The following TADA3 variants were observed in gnomAD, a reference collection of about 807,000 sequenced individuals.
TADA3 encodes transcriptional adaptor 3.
A neutral mutation model predicts 43.2 loss-of-function variants in TADA3; 25 were observed. The observed-to-expected ratio is 0.58, with a 90% CI of 0.42 to 0.81. The LOEUF (loss-of-function observed/expected upper bound fraction) is 0.81. Among genes scored for constraint, TADA3 ranks in the 30% least tolerant of loss-of-function variants. The pLI is 0.00. For synonymous variants in TADA3, 235 were observed against 225.5 expected, an observed-to-expected ratio of 1.04 and a Z score of -0.38; for missense variants, 441 against 567.8, an observed-to-expected ratio of 0.78 and a Z score of 2.27.
At chr3:9,788,543 C>CTT (rs879587825) in intron 4 of TADA3, among the ~76,000 whole-genome samples, 1 of 133,864 alleles carries the variant, frequency 7.5e-6, no homozygotes, top group Non-Finnish European at 1.6e-5. Flanking sequence ...CCGCACCCGG[C>CTT]TTTTTTTTTT....
intron 4 of TADA3, among the ~76,000 whole-genome samples, chr3:9,788,698 C>T (rs969635734): frequency 1.3e-5 from 2 of 151,912 alleles, no homozygotes; most frequent in Non-Finnish European, 2.9e-5. Flanking sequence ...TGCCACCGTG[C>T]CAGGCTAATT....
intron 8 of TADA3, chr3:9,781,487 CTT>C (rs1294598623): frequency 1.3e-5 from 6 of 455,518 alleles, no homozygotes; most frequent in Middle Eastern, 3.8e-4. Context: ...GGGCCAAACT[CTT>C]GTTTTTAAAC....
intron 8 of TADA3, 82 bp downstream of exon 8, chr3:9,783,946 T>C (rs2078541821): frequency 6.8e-7 from 1 of 1,474,232 alleles, no homozygotes; most frequent in Non-Finnish European, 9.0e-7. Flanking sequence ...GGAAAGCCTG[T>C]TGTAAAACCC....
rs759921916 is a variant in TADA3, at chr3:9,786,776, C to A, written c.810+230G>T. On this transcript the variant is annotated intron_variant, in intron 6 of 8. Transcript: ENST00000301964. ...TTTTGTAATCTCCAGGCTGGTAATA[C>A]AAGCTCATTTGTGAAAACTGTACAT... 3.9e-5 allele frequency among the ~76,000 whole-genome samples: 6 copies of A among 152,200 alleles called. 1 individual carries two copies. The highest frequency in any genetic ancestry group is 2.0e-4 in the Admixed American group (3 of 15,274).
Position 9,791,470 on chromosome 3 carries a change from C to CA in TADA3, c.-5_-4insT. ...GGCAGTCTTTCAACTCACTCATGGCCCAGGATATGGGGATCCTGTGGAGCT... is the reference window on the plus strand; with the variant it reads ...GGCAGTCTTTCAACTCACTCATGGCCACAGGATATGGGGATCCTGTGGAGCT... On this transcript the variant is annotated 5_prime_UTR_variant, in exon 2 of 9. Coordinates refer to ENST00000301964, the MANE Select transcript of TADA3 (RefSeq NM_006354.5). 1 of 1,605,138 alleles carries CA rather than the reference C, an allele frequency of 6.2e-7. No individual in the cohort carries two copies. Among genetic ancestry groups the CA allele is most frequent in the Non-Finnish European group, 8.5e-7 (1 of 1,173,928 alleles).
At chr3:9,792,130 T>C (rs953566421) in intron 1 of TADA3, 86 bp downstream of exon 1, 5 of 152,354 alleles carry the variant, frequency 3.3e-5, no homozygotes, top group Non-Finnish European at 7.3e-5. Context: ...AGTTTTTCCA[T>C]CTGTAAAATG....
Position 9,792,411 on chromosome 3 carries a change from G to A in TADA3, c.-223C>T. 1.0e-6 allele frequency: 1 copy of A among 972,436 alleles called. No individual in the cohort carries two copies. The highest frequency in any genetic ancestry group is 1.3e-6 in the Non-Finnish European group (1 of 793,874). 60.2% of individuals were successfully genotyped at this position (972,436 alleles called of 1,614,324 possible). A position where few individuals can be genotyped will look rare whatever the true frequency, so the allele number is the denominator to read the frequency against. ...CTACCTCCTCGCTGCGGCCTCCTACGGCCCCAGGGGCCGCGGGAGGGGGCG... is the reference window on the plus strand; with the variant it reads ...CTACCTCCTCGCTGCGGCCTCCTACAGCCCCAGGGGCCGCGGGAGGGGGCG... On this transcript the variant is annotated 5_prime_UTR_variant, in exon 1 of 9. Coordinates refer to ENST00000301964, the MANE Select transcript of TADA3 (RefSeq NM_006354.5).
At chr3:9,790,361 G>A (rs2078702072) in intron 2 of TADA3, among the ~76,000 whole-genome samples, 2 of 152,180 alleles carry the variant, frequency 1.3e-5, no homozygotes, top group South Asian at 4.1e-4. Flanking sequence ...CTTCCTCAAG[G>A]AGGGTCCATG....
chr3:9,792,576 A>C (rs1336654180), upstream of TADA3: 4 of 1,228,782 alleles, frequency 3.3e-6, no homozygotes, highest in African/African-American at 1.6e-5. Context: ...CCTCGAGCAA[A>C]GCCGCTAGAG....
chr3:9,783,777 C>CAAA, intron 8 of TADA3: 2 of 557,626 alleles, frequency 3.6e-6, no homozygotes, highest in South Asian at 3.4e-5. Flanking sequence ...GACTCCCTCT[C>CAAA]AAAAAAAAAC....
chr3:9,784,249 C>T, intron 7 of TADA3, 36 bp from the exon 8 acceptor site: 11 of 1,584,790 alleles, frequency 6.9e-6, no homozygotes, highest in Non-Finnish European at 9.5e-6. Flanking sequence ...ACTCAAGAGC[C>T]AGCTTGGAGA....
At position 9,787,065 on chromosome 3, in the gene TADA3, G is replaced by A. The variant is rs911690051; in HGVS notation, c.751C>T (p.Pro251Ser). ...GCACCAAAGGGGCATCCATCTTCCG[G>A]CTGTTCATGCTGGGCCTCAGACTTC... ...LKKSEAQHEQ[P>S]EDGCPFGALT... Residue 251 changes from proline (P) to serine (S), a missense_variant, in exon 6 of 9, where the codon CCG (proline) becomes TCG (serine). By Grantham distance (74) the Pro-to-Ser change is moderately conservative. Transcript: ENST00000301964. The A allele has an allele frequency of 3.1e-6, 5 of 1,614,102 alleles. No individual in the cohort carries two copies. Among genetic ancestry groups the A allele is most frequent in the Non-Finnish European group, 4.2e-6 (5 of 1,180,044 alleles).
At chr3:9,783,069 C>T (rs981477416) in intron 8 of TADA3, 3 of 152,148 alleles carry the variant, frequency 2.0e-5, no homozygotes, top group African/African-American at 7.2e-5. Flanking sequence ...TGGTCAATTT[C>T]TTGTGATGAG....
intron 7 of TADA3, 50 bp from the exon 8 acceptor site, chr3:9,784,263 G>A: frequency 6.4e-7 from 1 of 1,572,388 alleles, no homozygotes; most frequent in Non-Finnish European, 8.7e-7. Context: ...TTGGAGAAGG[G>A]CCCACCTTGG....
chr3:9,790,056 G>C, intron 2 of TADA3, 93 bp from the exon 3 acceptor site: 1 of 1,430,846 alleles, frequency 7.0e-7, no homozygotes, highest in South Asian at 1.5e-5. Context: ...AGAATCTACA[G>C]AGGCTCCTGG....
In TADA3 at chr3:9,785,304, G is replaced by C; in HGVS notation, c.920+12C>G. 2 of 1,605,438 alleles carry C rather than the reference G, an allele frequency of 1.2e-6. No individual in the cohort carries two copies. Among genetic ancestry groups the C allele is most frequent in the Non-Finnish European group, 8.5e-7 (1 of 1,172,886 alleles). ...GGGCCAGACTGTGGGTTGTGGATAGGACACCACTCACCTGAAGGGCTTGTT... is the reference window on the plus strand; with the variant it reads ...GGGCCAGACTGTGGGTTGTGGATAGCACACCACTCACCTGAAGGGCTTGTT... On this transcript the variant is annotated intron_variant, in intron 7 of 8. Transcript: ENST00000301964.
At chr3:9,783,975 T>G (rs1347428947) in intron 8 of TADA3, 53 bp downstream of exon 8, 2 of 1,564,652 alleles carry the variant, frequency 1.3e-6, no homozygotes, top group Non-Finnish European at 8.7e-7. Context: ...TGACTAGCCG[T>G]GGCCACAGCC....
At chr3:9,786,318 T>A (rs2125622895) in intron 6 of TADA3, among the ~76,000 whole-genome samples, 1 of 152,284 alleles carries the variant, frequency 6.6e-6, no homozygotes, top group East Asian at 1.9e-4. Flanking sequence ...CACCGTCAGC[T>A]GGGGTCCCTG....
chr3:9,792,513 G>A (rs1040835868), upstream of TADA3: 7 of 1,221,078 alleles, frequency 5.7e-6, no homozygotes, highest in Admixed American at 4.3e-5. Flanking sequence ...CGGGGGCGGG[G>A]AGTCAGCGAG....
Sources: allele counts gnomAD v4.1 joint callset (sites outside exome capture counted in the v4.1 genomes callset), GRCh38; gene constraint gnomAD v4.1.1; transcripts MANE v1.5; gene names NCBI Gene and HGNC (gene_info 2026-07-23, HGNC 2026-07-21).